Variants in ZFHX3 observed in about 807,000 individuals in gnomAD.
The protein encoded by ZFHX3 is zinc finger homeobox protein 3.
Under a neutral mutation model 279.1 loss-of-function variants are expected in ZFHX3, and 42 were observed. That is an observed-to-expected ratio of 0.15 (90% CI 0.12 to 0.19). The LOEUF (loss-of-function observed/expected upper bound fraction) is 0.19. Ranked by LOEUF, ZFHX3 falls within the 10% of genes least tolerant of loss-of-function variation. The probability of loss-of-function intolerance (pLI) is 1.00; values close to 1 mark genes in which losing one functional copy is unlikely to be tolerated. For missense variants in ZFHX3, 4,981 were observed against 4,754.0 expected (o/e 1.05, Z -1.40); for synonymous variants, 2,293 against 1,957.8 (o/e 1.17, Z -4.52).
intron 2 of ZFHX3, among the ~76,000 whole-genome samples, chr16:73,655,503 C>T (rs545212024): frequency 1.3e-5 from 2 of 151,992 alleles, no homozygotes; most frequent in Non-Finnish European, 2.9e-5. Context: ...TAGAAAATAA[C>T]ATTTAAAAGA....
intron 3 of ZFHX3, among the ~76,000 whole-genome samples, chr16:73,333,095 T>C (rs1355647274): frequency 6.6e-6 from 1 of 152,134 alleles, no homozygotes; most frequent in African/African-American, 2.4e-5. Flanking sequence ...GATAGATACA[T>C]AGACATGTAA....
chr16:73,801,288 T>C (rs1405699905), intron 1 of ZFHX3, among the ~76,000 whole-genome samples: 1 of 152,178 alleles, frequency 6.6e-6, no homozygotes, highest in Non-Finnish European at 1.5e-5. Flanking sequence ...TTCAATACAA[T>C]TCTACAAATA....
At chr16:73,768,164 A>C (rs2053975074) in intron 1 of ZFHX3, among the ~76,000 whole-genome samples, 1 of 152,144 alleles carries the variant, frequency 6.6e-6, no homozygotes, top group African/African-American at 2.4e-5. Flanking sequence ...TCCAGTCTTG[A>C]TCCAAAGACT....
At chr16:73,148,555 C>CTTTTTTT (rs36018349) in intron 5 of ZFHX3, among the ~76,000 whole-genome samples, 9 of 55,414 alleles carry the variant, frequency 1.6e-4, no homozygotes, top group East Asian at 7.4e-4. Context: ...AAATGCTGGG[C>CTTTTTTT]TTTTTTTTTT....
Position 72,960,417 on chromosome 16 carries a change from A to G in ZFHX3, c.-49-223T>C, listed in dbSNP as rs549419901. ...CGGGTCAACAGCCTGAGCGAGGGAT[A>G]TGGGGAAAGAAGGCCAGGAACAGCC... is the stretch of plus-strand genomic sequence containing the variant. On this transcript the variant is annotated intron_variant, in intron 1 of 9. Transcript: ENST00000268489. Among the ~76,000 whole-genome samples the G allele has an allele frequency of 3.7e-3, 568 of 152,270 alleles. 2 individuals carry two copies. Among genetic ancestry groups the G allele is most frequent in the Non-Finnish European group, 6.0e-3 (408 of 68,014 alleles).
At chr16:73,245,724 A>C (rs910569923) in intron 5 of ZFHX3, among the ~76,000 whole-genome samples, 3 of 152,196 alleles carry the variant, frequency 2.0e-5, no homozygotes, top group Admixed American at 2.0e-4. Context: ...ATGGAAACTC[A>C]TCAGATTGTA....
At chr16:73,248,704 C>G (rs117569697) in intron 5 of ZFHX3, among the ~76,000 whole-genome samples, 3 of 151,996 alleles carry the variant, frequency 2.0e-5, no homozygotes, top group South Asian at 2.1e-4. Flanking sequence ...GGAGGCTATA[C>G]TGGATGTCTC....
intron 1 of ZFHX3, among the ~76,000 whole-genome samples, chr16:73,749,187 G>A (rs2053733873): frequency 6.6e-6 from 1 of 151,898 alleles, no homozygotes. Context: ...ATTTTTACCT[G>A]GCCATGCCCT....
At chr16:73,332,295 A>G (rs774002907) in intron 3 of ZFHX3, among the ~76,000 whole-genome samples, 12 of 152,248 alleles carry the variant, frequency 7.9e-5, no homozygotes, top group Non-Finnish European at 1.3e-4. Context: ...ACGAAGCTCT[A>G]TATCTACTAG....
chr16:73,672,393 T>C (rs2052912855), intron 2 of ZFHX3, among the ~76,000 whole-genome samples: 1 of 152,120 alleles, frequency 6.6e-6, no homozygotes, highest in Admixed American at 6.6e-5. Context: ...GGGGACCCAA[T>C]AGGACTAACT....
At chr16:73,393,017 T>A (rs1216339724) in intron 3 of ZFHX3, among the ~76,000 whole-genome samples, 1 of 152,174 alleles carries the variant, frequency 6.6e-6, no homozygotes, top group East Asian at 1.9e-4. Context: ...GTATTTTTAG[T>A]AGAGATGGGG....
rs192669530 is a variant in ZFHX3 at position 73,861,980 on chromosome 16, A to G, written c.-1608+29671T>C. 4.7e-3 allele frequency among the ~76,000 whole-genome samples: 714 copies of G among 152,288 alleles called. 7 individuals carry two copies. Among genetic ancestry groups the G allele is most frequent in the African/African-American group, 0.016 (664 of 41,558 alleles). On this transcript the variant is annotated intron_variant, in intron 1 of 17. Coordinates refer to the ZFHX3 transcript ENST00000641206. The stretch of plus-strand genomic sequence containing the variant: ...AAAATCTCTGGAAGCTCCTTTCCAC[A>G]TTTTGAAAGTTATCTATAGTTAACT...
chr16:73,881,857 G>A (rs1222383599), intron 1 of ZFHX3, among the ~76,000 whole-genome samples: 2 of 151,986 alleles, frequency 1.3e-5, no homozygotes, highest in Non-Finnish European at 2.9e-5. Flanking sequence ...CCTGAGCAGT[G>A]TCCCCTAAAA....
chr16:73,856,567 C>T lies in ZFHX3; in HGVS notation c.-1608+35084G>A, dbSNP rs80352992. 1.0e-3 allele frequency among the ~76,000 whole-genome samples: 158 copies of T among 152,264 alleles called. 3 individuals carry two copies. The East Asian group carries it at 0.027, about 26-fold the overall frequency. On this transcript the variant is annotated intron_variant, in intron 1 of 17. Transcript: ENST00000641206. Reference sequence around the variant, plus strand: ...CATATTTAAAACATATTTTCTCTTCCAAAATAAGCCAGCATCTGATTTTTA... The same window carrying T: ...CATATTTAAAACATATTTTCTCTTCTAAAATAAGCCAGCATCTGATTTTTA...
Position 72,797,246 on chromosome 16 carries a change from C to T in ZFHX3, c.5436G>A (p.Glu1812=), listed in dbSNP as rs768410221. 7 of 1,613,686 alleles carry T rather than the reference C, an allele frequency of 4.3e-6. No homozygotes were observed. The Admixed American group carries it at 6.7e-5, about 15-fold the overall frequency. ...IPSAEFQLNP[E]VSLPVTSGAL... ...CCCCACTGGTCACTGGCAAGCTCAC[C>T]TCGGGGTTAAGCTGGAACTCAGCAC... The change falls in exon 9 of 10, where the codon GAG becomes GAA. Residue 1812 remains glutamate (E), a synonymous_variant. Transcript: ENST00000268489.
chr16:73,032,261 C>A (rs957997569), intron 1 of ZFHX3, among the ~76,000 whole-genome samples: 1 of 152,128 alleles, frequency 6.6e-6, no homozygotes, highest in Non-Finnish European at 1.5e-5. Flanking sequence ...ATGATTGTAT[C>A]ACTACACTCC....
intron 1 of ZFHX3, among the ~76,000 whole-genome samples, chr16:73,696,602 G>A (rs1436027771): frequency 6.6e-6 from 1 of 152,228 alleles, no homozygotes; most frequent in Non-Finnish European, 1.5e-5. Context: ...GGGCCTGAAA[G>A]TGGCATGTTG....
chr16:73,718,349 T>C (rs1442091954), intron 1 of ZFHX3, among the ~76,000 whole-genome samples: 1 of 151,970 alleles, frequency 6.6e-6, no homozygotes, highest in African/African-American at 2.4e-5. Flanking sequence ...AGGTGGAAGT[T>C]GCAGTGAGCC....
intron 1 of ZFHX3, among the ~76,000 whole-genome samples, chr16:73,879,586 T>C (rs1046800233): frequency 1.3e-5 from 2 of 152,126 alleles, no homozygotes; most frequent in African/African-American, 2.4e-5. Flanking sequence ...AGGCAATAGT[T>C]AAGAAGCAAG....
Sources: allele counts gnomAD v4.1 joint callset (sites outside exome capture counted in the v4.1 genomes callset), GRCh38; gene constraint gnomAD v4.1.1; transcripts MANE v1.5; gene names NCBI Gene and HGNC (gene_info 2026-07-23, HGNC 2026-07-21).